The following MFSD11 variants were observed in gnomAD, a reference collection of about 807,000 sequenced individuals.
The protein encoded by MFSD11 is UNC93-like protein MFSD11.
In MFSD11, 36 loss-of-function variants were observed where a neutral mutation model predicts 53.5. The observed-to-expected ratio is 0.67, with a 90% confidence interval of 0.52 to 0.89. The LOEUF is 0.89. Ranked by LOEUF, MFSD11 falls within the 40% of genes least tolerant of loss-of-function variation. The pLI is 0.00. For synonymous variants in MFSD11, 186 were observed against 184.9 expected (o/e 1.01, Z -0.05); for missense variants, 530 against 543.9 (o/e 0.97, Z 0.25).
chr17:76,802,953 C>T, the MFSD11 span, among the ~76,000 whole-genome samples: 1 of 152,024 alleles, frequency 6.6e-6, no homozygotes, highest in East Asian at 1.9e-4. Context: ...GCCAGGAGAT[C>T]GAGTCCATCC....
At chr17:76,737,967 C>T (rs2077651022), upstream of MFSD11, 1 of 259,770 alleles carries the variant, frequency 3.8e-6, no homozygotes, top group Non-Finnish European at 7.3e-6. Flanking sequence ...GGCGCCGCGG[C>T]TGCGGTCAGG....
the MFSD11 span, chr17:76,799,291 T>C: frequency 6.6e-6 from 1 of 152,004 alleles, no homozygotes; most frequent in Non-Finnish European, 1.5e-5. Flanking sequence ...ATTTTTGTAG[T>C]TTTAGTAGAG....
chr17:76,796,811 C>CAAAAA, the MFSD11 span, among the ~76,000 whole-genome samples: 2 of 114,282 alleles, frequency 1.8e-5, no homozygotes, highest in East Asian at 2.6e-4. Flanking sequence ...CTAAAAATAC[C>CAAAAA]AAAAAAAAAA....
chr17:76,797,457 A>G, the MFSD11 span, among the ~76,000 whole-genome samples: 1 of 152,134 alleles, frequency 6.6e-6, no homozygotes, highest in Non-Finnish European at 1.5e-5. Context: ...TTAGTATGCT[A>G]ATATGTTATA....
Position 76,742,643 on chromosome 17 carries a change from C to A in MFSD11, c.437+370C>A, listed in dbSNP as rs1388498585. ...TTAGCCTCCTGAGTAGCTGGGATTA[C>A]AGGCGCCCACCACCACGCCCGGCTA... On this transcript the variant is annotated intron_variant, in intron 5 of 12. Coordinates refer to ENST00000685175, the MANE Select transcript of MFSD11 (RefSeq NM_001242532.5). Among the ~76,000 whole-genome samples, 10 of 152,180 alleles carry A rather than the reference C, an allele frequency of 6.6e-5. No individual in the cohort carries two copies. The South Asian group carries it at 2.1e-3, about 32-fold the overall frequency.
At chr17:76,773,898 G>T (rs1190941680) in intron 10 of MFSD11, among the ~76,000 whole-genome samples, 1 of 151,002 alleles carries the variant, frequency 6.6e-6, no homozygotes, top group Admixed American at 6.6e-5. Context: ...GAGCCACCAT[G>T]CCCAGCAACT....
At chr17:76,755,840 T>TTTTTA (rs2079562527) in intron 8 of MFSD11, among the ~76,000 whole-genome samples, 1 of 106,806 alleles carries the variant, frequency 9.4e-6, no homozygotes, top group Non-Finnish European at 1.8e-5. Flanking sequence ...TTTTTTTTTT[T>TTTTTA]GAGATGGAGT....
At chr17:76,761,697 C>T (rs539065266) in intron 8 of MFSD11, among the ~76,000 whole-genome samples, 31 of 150,818 alleles carry the variant, frequency 2.1e-4, no homozygotes, top group African/African-American at 6.6e-4. Flanking sequence ...CCGAGGCGGG[C>T]GGATCATGAG....
At chr17:76,767,955 A>G (rs1350147259) in intron 9 of MFSD11, among the ~76,000 whole-genome samples, 1 of 152,168 alleles carries the variant, frequency 6.6e-6, no homozygotes, top group African/African-American at 2.4e-5. Flanking sequence ...GTTTTAGGCA[A>G]TGCAGAGCGC....
chr17:76,760,387 G>A (rs1470038530), intron 8 of MFSD11, among the ~76,000 whole-genome samples: 1 of 152,146 alleles, frequency 6.6e-6, no homozygotes, highest in Non-Finnish European at 1.5e-5. Flanking sequence ...AGAAGGAGGA[G>A]GAGGGAGGGG....
chr17:76,741,678 C>T (rs143295027), intron 3 of MFSD11, among the ~76,000 whole-genome samples: 3 of 152,114 alleles, frequency 2.0e-5, no homozygotes, highest in South Asian at 2.1e-4. Flanking sequence ...GTCCCAGCTA[C>T]TTAGGAGGCT....
chr17:76,768,996 A>AG (rs1321902784), intron 9 of MFSD11, among the ~76,000 whole-genome samples: 3 of 152,048 alleles, frequency 2.0e-5, no homozygotes, highest in Non-Finnish European at 4.4e-5. Context: ...AAAAAAAAAA[A>AG]AAAAAAAGAA....
chr17:76,754,173 T>C (rs1267520341), intron 8 of MFSD11, 86 bp downstream of exon 8: 1 of 1,074,478 alleles, frequency 9.3e-7, no homozygotes, highest in Admixed American at 1.9e-5. Context: ...TAACTTTGGA[T>C]TGATGACACC....
rs1012963016 is a variant in MFSD11, at chr17:76,738,622, A to C, written c.96+174A>C. ...TGATTTCTTGTGTCAGACATTTCTC[A>C]TGGGGGCGTTAAGCATTATCGTTTA... On this transcript the variant is annotated intron_variant, in intron 1 of 12. Coordinates refer to ENST00000685175, the MANE Select transcript of MFSD11 (RefSeq NM_001242532.5). 4 of 616,804 alleles carry C rather than the reference A, an allele frequency of 6.5e-6. No individual in the cohort carries two copies. In the African/African-American group the frequency reaches 7.4e-5, roughly 11 times the overall value. The allele number at this position is 616,804 out of a possible 1,614,324, so 38.2% of individuals were successfully genotyped here. A position where few individuals can be genotyped will look rare whatever the true frequency, so the allele number is the denominator to read the frequency against.
At position 76,748,642 on chromosome 17, in the gene MFSD11, C is replaced by T. The variant is rs556829556; in HGVS notation, c.641+4176C>T. On this transcript the variant is annotated intron_variant, in intron 7 of 12. Transcript: ENST00000685175. ...TCAAGGTTGCAGTGAGCTGTGGTCA[C>T]GCCGCTGCACTCCAGCATGGGCAAC... Among the ~76,000 whole-genome samples, 38 of 151,844 alleles carry T rather than the reference C, an allele frequency of 2.5e-4. 2 individuals carry two copies. Among genetic ancestry groups the T allele is most frequent in the Admixed American group, 6.6e-4 (10 of 15,236 alleles).
the MFSD11 span, among the ~76,000 whole-genome samples, chr17:76,789,800 C>T: frequency 2.0e-5 from 3 of 150,174 alleles, no homozygotes; most frequent in African/African-American, 7.3e-5. Flanking sequence ...ACCACACTTT[C>T]TCAGGACCTC....
At chr17:76,752,092 C>A (rs1343452615) in intron 7 of MFSD11, among the ~76,000 whole-genome samples, 1 of 152,174 alleles carries the variant, frequency 6.6e-6, no homozygotes, top group Non-Finnish European at 1.5e-5. Flanking sequence ...GTGAAAATTG[C>A]AGATTAATGA....
chr17:76,801,973 G>C, the MFSD11 span, among the ~76,000 whole-genome samples: 1 of 152,096 alleles, frequency 6.6e-6, no homozygotes, highest in Non-Finnish European at 1.5e-5. Context: ...TCTGGTTTCA[G>C]ATGCCTCTGA....
At chr17:76,748,908 C>A (rs1371268058) in intron 7 of MFSD11, among the ~76,000 whole-genome samples, 1 of 152,044 alleles carries the variant, frequency 6.6e-6, no homozygotes, top group Non-Finnish European at 1.5e-5. Flanking sequence ...CCCACCCTCC[C>A]TTCCTCTCTC....
Sources: allele counts gnomAD v4.1 joint callset (sites outside exome capture counted in the v4.1 genomes callset), GRCh38; gene constraint gnomAD v4.1.1; transcripts MANE v1.5; gene names NCBI Gene and HGNC (gene_info 2026-07-23, HGNC 2026-07-21).